PRKCE: variants seen among roughly 807,000 people sequenced by gnomAD.
PRKCE encodes the protein protein kinase C epsilon type.
PRKCE carries 16 observed loss-of-function variants against 85.4 expected under a neutral mutation model. The ratio of observed to expected loss-of-function variants is 0.19; its 90% CI spans 0.13 to 0.28. PRKCE has a LOEUF of 0.28. PRKCE is among the 10% of genes least tolerant of loss of function. The pLI is 1.00. For missense variants in PRKCE, 573 were observed against 975.2 expected, an observed-to-expected ratio of 0.59 and a Z score of 5.49; for synonymous variants, 388 against 371.5, an observed-to-expected ratio of 1.04 and a Z score of -0.51.
chr2:45,876,267 A>G (rs1694471786), intron 2 of PRKCE, among the ~76,000 whole-genome samples: 2 of 152,170 alleles, frequency 1.3e-5, no homozygotes, highest in African/African-American at 4.8e-5. Context: ...CCATCTGCAA[A>G]CTATAAATCA....
At chr2:45,732,323 T>C (rs1681650329) in intron 1 of PRKCE, among the ~76,000 whole-genome samples, 1 of 152,132 alleles carries the variant, frequency 6.6e-6, no homozygotes, top group Admixed American at 6.5e-5. Context: ...CCCAGGTTGT[T>C]AGTGTTAAAA....
At chr2:46,042,998 A>T (rs1199172979) in intron 10 of PRKCE, among the ~76,000 whole-genome samples, 1 of 151,944 alleles carries the variant, frequency 6.6e-6, no homozygotes, top group Non-Finnish European at 1.5e-5. Context: ...TTCCTGAGGG[A>T]CCCTCTTTGT....
At chr2:45,942,821 A>T (rs895304038) in intron 2 of PRKCE, among the ~76,000 whole-genome samples, 2 of 152,246 alleles carry the variant, frequency 1.3e-5, no homozygotes. Flanking sequence ...ATGAGTATAT[A>T]TATCAAAATT....
chr2:45,816,656 C>G (rs958840255), intron 1 of PRKCE, among the ~76,000 whole-genome samples: 1 of 152,188 alleles, frequency 6.6e-6, no homozygotes, highest in Non-Finnish European at 1.5e-5. Flanking sequence ...GAGCAATCTT[C>G]CTTTCCTCTG....
intron 1 of PRKCE, among the ~76,000 whole-genome samples, chr2:45,819,852 A>G (rs1271886321): frequency 3.3e-5 from 5 of 152,342 alleles, no homozygotes; most frequent in East Asian, 3.9e-4. Context: ...GAAGAACAAT[A>G]GTAAGACTAC....
At chr2:45,729,220 A>G (rs1681349727) in intron 1 of PRKCE, among the ~76,000 whole-genome samples, 1 of 152,216 alleles carries the variant, frequency 6.6e-6, no homozygotes, top group African/African-American at 2.4e-5. Context: ...TTGCTGGTTA[A>G]TTCACATAGG....
At chr2:45,730,195 T>C (rs1023074982) in intron 1 of PRKCE, among the ~76,000 whole-genome samples, 4 of 152,152 alleles carry the variant, frequency 2.6e-5, no homozygotes, top group African/African-American at 9.7e-5. Context: ...AGGGTTCCGC[T>C]CTGTCACCCA....
chr2:45,972,744 G>A (rs1393527090), intron 2 of PRKCE, among the ~76,000 whole-genome samples: 1 of 152,124 alleles, frequency 6.6e-6, no homozygotes, highest in Non-Finnish European at 1.5e-5. Context: ...TATATTCTTG[G>A]CACTCTTGTT....
Position 45,705,751 on chromosome 2 carries a change from G to A in PRKCE, c.348+53303G>A, listed in dbSNP as rs1573001015. Among the ~76,000 whole-genome samples, 8 of 152,306 alleles carry A rather than the reference G, an allele frequency of 5.3e-5. 2 individuals carry two copies. The highest frequency in any genetic ancestry group is 5.2e-4 in the Admixed American group (8 of 15,302). On this transcript the variant is annotated intron_variant, in intron 1 of 14. Coordinates refer to ENST00000306156, the MANE Select transcript of PRKCE (RefSeq NM_005400.3). ...ATGGTGGTATAGGTAGCTTTACCAGGCATAATTTCTATAATCCATAGAGTG... is the reference window on the plus strand; with the variant it reads ...ATGGTGGTATAGGTAGCTTTACCAGACATAATTTCTATAATCCATAGAGTG...
At chr2:45,886,588 T>C (rs1172211667) in intron 2 of PRKCE, among the ~76,000 whole-genome samples, 2 of 152,240 alleles carry the variant, frequency 1.3e-5, no homozygotes, top group Non-Finnish European at 2.9e-5. Context: ...TCTTGGAGAA[T>C]AGCACAAAAA....
intron 11 of PRKCE, among the ~76,000 whole-genome samples, chr2:46,127,269 G>A (rs1161652141): frequency 6.6e-6 from 1 of 152,118 alleles, no homozygotes; most frequent in African/African-American, 2.4e-5. Flanking sequence ...TTAATACAGT[G>A]TCCCGCACAG....
chr2:45,998,384 A>T (rs1308884340), intron 6 of PRKCE, among the ~76,000 whole-genome samples: 5 of 152,210 alleles, frequency 3.3e-5, no homozygotes, highest in Non-Finnish European at 5.9e-5. Flanking sequence ...ACACGTTAAA[A>T]ATTACGTCTT....
At chr2:45,890,199 A>G (rs1158744537) in intron 2 of PRKCE, among the ~76,000 whole-genome samples, 1 of 152,222 alleles carries the variant, frequency 6.6e-6, no homozygotes, top group Non-Finnish European at 1.5e-5. Context: ...TTTCAATATC[A>G]AAAGCAGAAA....
At chr2:46,147,843 A>G (rs962101667) in intron 12 of PRKCE, among the ~76,000 whole-genome samples, 8 of 152,346 alleles carry the variant, frequency 5.3e-5, no homozygotes, top group African/African-American at 1.9e-4. Flanking sequence ...ATTTGACCAC[A>G]AATGTACACA....
At chr2:45,694,093 G>A (rs780537180) in intron 1 of PRKCE, among the ~76,000 whole-genome samples, 5 of 151,202 alleles carry the variant, frequency 3.3e-5, no homozygotes, top group African/African-American at 7.3e-5. Context: ...GTATCCTAAC[G>A]ATATGAGGAT....
intron 1 of PRKCE, among the ~76,000 whole-genome samples, chr2:45,704,562 G>T (rs978677794): frequency 6.6e-6 from 1 of 152,186 alleles, no homozygotes; most frequent in African/African-American, 2.4e-5. Context: ...TGTTAGAAGA[G>T]TCACTGGATT....
Position 45,806,112 on chromosome 2 carries a change from G to A in PRKCE, c.349-36888G>A, listed in dbSNP as rs1483977981. Among the ~76,000 whole-genome samples the A allele has an allele frequency of 2.0e-5, 3 of 152,130 alleles. No homozygotes were observed. In the South Asian group the frequency reaches 6.2e-4, roughly 32 times the overall value. Reference sequence around the variant, plus strand: ...TTAGTTGCCTGGGATATTGGAGGAGGGGATACTGGGGCGCTCATCCCAACC... The same window carrying A: ...TTAGTTGCCTGGGATATTGGAGGAGAGGATACTGGGGCGCTCATCCCAACC... On this transcript the variant is annotated intron_variant, in intron 1 of 14. Transcript: ENST00000306156.
intron 2 of PRKCE, among the ~76,000 whole-genome samples, chr2:45,952,165 A>C (rs1303040306): frequency 6.6e-6 from 1 of 152,200 alleles, no homozygotes; most frequent in Non-Finnish European, 1.5e-5. Flanking sequence ...TGACTCCTAG[A>C]ATGTTAGACC....
chr2:45,793,426 C>T (rs1687182800), intron 1 of PRKCE, among the ~76,000 whole-genome samples: 1 of 152,158 alleles, frequency 6.6e-6, no homozygotes, highest in Non-Finnish European at 1.5e-5. Flanking sequence ...TACCCAGACT[C>T]CCCCAAATCC....
Sources: gnomAD v4.1 joint callset for allele counts (sites outside exome capture counted in the v4.1 genomes callset) on GRCh38, gnomAD v4.1.1 for gene constraint, MANE v1.5 for transcripts, NCBI Gene and HGNC (gene_info 2026-07-23, HGNC 2026-07-21) for gene names.